ZNF541: variants seen among roughly 807,000 people sequenced by gnomAD.
ZNF541 encodes the protein zinc finger protein 541.
ZNF541 carries 23 observed loss-of-function variants against 123.5 expected under a neutral mutation model. That is an observed-to-expected ratio of 0.19 (90% CI 0.13 to 0.26). The LOEUF is 0.26. Among genes scored for constraint, ZNF541 ranks in the 10% least tolerant of loss-of-function variants. The pLI, the probability that ZNF541 is intolerant of heterozygous loss-of-function variation, is 1.00. For synonymous variants in ZNF541, 751 were observed against 754.5 expected (o/e 1.00, Z 0.08); for missense variants, 1,612 against 1,789.9 (o/e 0.90, Z 1.79).
In ZNF541 at chr19:47,545,387, G is replaced by A; in HGVS notation, c.1142C>T (p.Ala381Val). The A allele has an allele frequency of 6.6e-7, 1 of 1,521,848 alleles. No individual in the cohort carries two copies. The highest frequency in any genetic ancestry group is 8.8e-7 in the Non-Finnish European group (1 of 1,132,180). The allele number at this position is 1,521,848 out of a possible 1,614,324, so 94.3% of individuals were successfully genotyped here. ...GGAGCCGCCTTCGGGCCAGCACTCC[G>A]CGGTGGACCGGGCCTGGAGCAGCGC... is the stretch of plus-strand genomic sequence containing the variant. ...DTALLQARST[A>V]ECWPEGGSVP... Residue 381 changes from alanine (A) to valine (V), a missense_variant, in exon 5 of 17, where the codon GCG becomes GTG. Ala to Val is a moderately conservative substitution (Grantham distance 64, BLOSUM62 0). Around this residue, in one of 5 missense-constraint regions of ZNF541, gnomAD observed 1,080 missense variants for 1,013.8 expected, o/e 1.07. Transcript: ENST00000391901. This position sits in a 1 kb window ranked among gnomAD's most constrained non-coding sequence, Gnocchi z 7.5.
Position 47,521,770 on chromosome 19 carries a change from G to A in ZNF541, c.3711+84C>T, listed in dbSNP as rs1969042939. 5.9e-6 allele frequency: 9 copies of A among 1,525,602 alleles called. No individual in the cohort carries two copies. The highest frequency in any genetic ancestry group is 2.5e-5 in the East Asian group (1 of 40,602). The allele number at this position is 1,525,602 out of a possible 1,614,324, so 94.5% of individuals were successfully genotyped here. ...AAACCCTTCCATCAGGAGCACCCCCGCCCTCTGACCCCACCGTCCAACTCA... is the reference window on the plus strand; with the variant it reads ...AAACCCTTCCATCAGGAGCACCCCCACCCTCTGACCCCACCGTCCAACTCA... On this transcript the variant is annotated intron_variant, in intron 15 of 16. Transcript: ENST00000391901. This position sits in a 1 kb window ranked among gnomAD's most constrained non-coding sequence, Gnocchi z 4.2.
chr19:47,547,843 G>A (rs1227566549), intron 4 of ZNF541, among the ~76,000 whole-genome samples: 1 of 151,904 alleles, frequency 6.6e-6, no homozygotes, highest in Non-Finnish European at 1.5e-5. Flanking sequence ...GGGAGGCCGA[G>A]TCACGCAGAT....
intron 3 of ZNF541, among the ~76,000 whole-genome samples, chr19:47,550,033 T>C (rs1161284972): frequency 1.3e-5 from 2 of 151,944 alleles, no homozygotes; most frequent in Non-Finnish European, 2.9e-5. Flanking sequence ...AGGCGGATCA[T>C]TTGAGGTCAG....
intron 12 of ZNF541, 121 bp downstream of exon 12, chr19:47,531,521 G>A: frequency 1.5e-6 from 1 of 674,736 alleles, no homozygotes; most frequent in Non-Finnish European, 2.4e-6. Context: ...CGCTGTGGAG[G>A]AGGATGGGCG....
intron 2 of ZNF541, among the ~76,000 whole-genome samples, chr19:47,558,544 C>G (rs1265909105): frequency 1.3e-5 from 2 of 151,872 alleles, no homozygotes; most frequent in Non-Finnish European, 1.5e-5. Flanking sequence ...TTAAAATGGG[C>G]AAACTGCTAG....
chr19:47,532,394 T>C, intron 10 of ZNF541, 124 bp from the exon 11 acceptor site: 2 of 1,118,098 alleles, frequency 1.8e-6, no homozygotes, highest in South Asian at 3.0e-5. Context: ...CCCTCTGCTG[T>C]CTCAGGTGCA....
chr19:47,545,771 C>G lies in ZNF541; in HGVS notation c.758G>C (p.Ser253Thr), dbSNP rs1450842304. Residue 253 changes from serine to threonine, a missense_variant, in exon 5 of 17, where the codon AGC becomes ACC. This residue lies in a region of ZNF541 where 1,080 missense variants were observed against 1,013.8 expected (regional missense o/e 1.07). Coordinates refer to ENST00000391901, the MANE Select transcript of ZNF541 (RefSeq NM_001277075.3). This position sits in a 1 kb window ranked among gnomAD's most constrained non-coding sequence, Gnocchi z 7.5. ...HESAGQPPPS[S>T]LRSLVPPEAR... ...CTCTGGGGGCACCAGGGACCGCAGG[C>G]TGCTGGGGGGCGGCTGGCCGGCCGA... 3 of 1,540,778 alleles carry G rather than the reference C, an allele frequency of 1.9e-6. No individual in the cohort carries two copies. In the Admixed American group the frequency reaches 5.9e-5, roughly 30 times the overall value.
intron 14 of ZNF541, among the ~76,000 whole-genome samples, chr19:47,523,805 G>C (rs1488843558): frequency 1.3e-5 from 2 of 152,192 alleles, no homozygotes; most frequent in Non-Finnish European, 2.9e-5. Flanking sequence ...TGCCTCCGGA[G>C]ACCACGGCGG....
intron 2 of ZNF541, among the ~76,000 whole-genome samples, chr19:47,562,204 G>A (rs755355822): frequency 5.9e-5 from 9 of 152,016 alleles, no homozygotes; most frequent in Non-Finnish European, 1.0e-4. Context: ...AGCCAAGATC[G>A]TGCCACTGCA....
chr19:47,530,335 ATTTTTTT>A (rs10586987), intron 12 of ZNF541, among the ~76,000 whole-genome samples: 20 of 131,906 alleles, frequency 1.5e-4, no homozygotes, highest in Non-Finnish European at 2.6e-4. Flanking sequence ...CTCCCTGCTA[ATTTTTTT>A]TTTTTTTTTT....
intron 9 of ZNF541, among the ~76,000 whole-genome samples, chr19:47,536,094 C>T (rs1969806993): frequency 6.6e-6 from 1 of 152,218 alleles, no homozygotes; most frequent in Non-Finnish European, 1.5e-5. Flanking sequence ...AGGTGCATGT[C>T]CTTAAGGCAC....
At position 47,540,933 on chromosome 19, in the gene ZNF541, G is replaced by A; in HGVS notation, c.2422C>T (p.Leu808Phe). 6.4e-7 allele frequency: 1 copy of A among 1,550,886 alleles called. No homozygotes were observed. Among genetic ancestry groups the A allele is most frequent in the South Asian group, 1.2e-5 (1 of 83,772 alleles). The change falls in exon 6 of 17, where the codon CTC becomes TTC. Residue 808 changes from leucine to phenylalanine, a missense_variant. This residue lies in a region of ZNF541 where 1,080 missense variants were observed against 1,013.8 expected (regional missense o/e 1.07). Transcript: ENST00000391901. Reference protein sequence around the residue: ...SRIQGGNIYRLPHPVKEENVA... With the variant: ...SRIQGGNIYRFPHPVKEENVA... ...TTCTCTTCCTTCACCGGATGGGGGA[G>A]CCTGTAGATGTTTCCACCCTGAAGA... is the stretch of plus-strand genomic sequence containing the variant.
At chr19:47,561,184 T>G (rs1262178306) in intron 2 of ZNF541, among the ~76,000 whole-genome samples, 2 of 152,170 alleles carry the variant, frequency 1.3e-5, no homozygotes, top group African/African-American at 2.4e-5. Flanking sequence ...ACACAGAGAC[T>G]GAGCTCTGGC....
Position 47,544,836 on chromosome 19 carries a change from G to C in ZNF541, c.1693C>G (p.Gln565Glu). ...ACCTGGGCATGGGAGAAGATCCGCT[G>C]GGACTTGGTGATCATCTGGAACACC... ...MQVFQMITKS[Q>E]RIFSHAQVAA... Residue 565 changes from glutamine (Q) to glutamate (E), a missense_variant, in exon 5 of 17, where the codon CAG becomes GAG. Gln to Glu is a conservative substitution (Grantham distance 29). Around this residue, in one of 5 missense-constraint regions of ZNF541, gnomAD observed 1,080 missense variants for 1,013.8 expected, o/e 1.07. Transcript: ENST00000391901. The C allele has an allele frequency of 6.5e-7, 1 of 1,535,276 alleles. No homozygotes were observed.
In ZNF541 at chr19:47,533,595, C is replaced by T. The variant is rs1345546274; in HGVS notation, c.3095-623G>A. On this transcript the variant is annotated intron_variant, in intron 9 of 16. Coordinates refer to ENST00000391901, the MANE Select transcript of ZNF541 (RefSeq NM_001277075.3). ...GGGTGGCTCACGCCTGTAATCCCAG[C>T]ACTTTGGGACACTGAGGTGGGCGGA... Among the ~76,000 whole-genome samples the T allele has an allele frequency of 3.3e-5, 5 of 152,166 alleles. No individual in the cohort carries two copies. The East Asian group carries it at 7.7e-4, about 24-fold the overall frequency.
At chr19:47,538,805 C>T (rs532843840) in intron 8 of ZNF541, among the ~76,000 whole-genome samples, 1 of 152,322 alleles carries the variant, frequency 6.6e-6, no homozygotes, top group Admixed American at 6.5e-5. Context: ...CAGCCACTGA[C>T]TCAGGGGACC....
Position 47,521,396 on chromosome 19 carries a change from A to C in ZNF541, c.3888-19T>G. The C allele has an allele frequency of 6.4e-7, 1 of 1,551,590 alleles. No individual in the cohort carries two copies. On this transcript the variant is annotated intron_variant, in intron 16 of 16. Coordinates refer to ENST00000391901, the MANE Select transcript of ZNF541 (RefSeq NM_001277075.3). The surrounding 1 kb of genome is among the most constrained non-coding windows in gnomAD (Gnocchi z 4.2). ...AAACACCCTGAGGAGTCACCAGAGG[A>C]CATGGGGTCAGAGCAGGGAGGAAGG...
intron 5 of ZNF541, among the ~76,000 whole-genome samples, chr19:47,542,839 G>A (rs902547467): frequency 9.2e-5 from 14 of 151,888 alleles, no homozygotes; most frequent in African/African-American, 3.1e-4. Flanking sequence ...CCAGCTACTC[G>A]GAGGCTGAGG....
intron 4 of ZNF541, among the ~76,000 whole-genome samples, chr19:47,548,600 C>T (rs927904753): frequency 2.0e-5 from 3 of 152,168 alleles, no homozygotes; most frequent in Non-Finnish European, 4.4e-5. Context: ...AGACTCAGGA[C>T]ATAGCTCTAT....
Sources: gnomAD v4.1 joint callset for allele counts (sites outside exome capture counted in the v4.1 genomes callset) on GRCh38, gnomAD v4.1.1 for gene constraint, gnomAD v4.1.1 regional missense constraint, Gnocchi (gnomAD v3.1) non-coding constraint, MANE v1.5 for transcripts, NCBI Gene and HGNC (gene_info 2026-07-23, HGNC 2026-07-21) for gene names.